Variants in NRG1 observed in about 807,000 individuals in gnomAD.
NRG1 encodes pro-neuregulin-1, membrane-bound isoform.
In NRG1, 18 loss-of-function variants were observed where a neutral mutation model predicts 63.8. The observed-to-expected ratio is 0.28, with a 90% CI of 0.19 to 0.42. The LOEUF (loss-of-function observed/expected upper bound fraction) is 0.42, where lower values mean the gene tolerates loss of function less well. Among genes scored for constraint, NRG1 ranks in the 10% least tolerant of loss-of-function variants. NRG1 has a pLI of 1.00. For synonymous variants in NRG1, 302 were observed against 301.3 expected (o/e 1.00, Z -0.02); for missense variants, 762 against 814.7 (o/e 0.94, Z 0.79).
chr8:32,268,028 A>T (rs763459445), intron 1 of NRG1, among the ~76,000 whole-genome samples: 9 of 152,132 alleles, frequency 5.9e-5, no homozygotes, highest in Non-Finnish European at 1.3e-4. Flanking sequence ...TGGTTATCTT[A>T]TGTAAGATTG....
chr8:32,174,523 C>CA (rs1412465967), intron 1 of NRG1, among the ~76,000 whole-genome samples: 1 of 151,916 alleles, frequency 6.6e-6, no homozygotes, highest in East Asian at 1.9e-4. Context: ...AAAAACCCTT[C>CA]AAAAAATCAA....
chr8:32,225,661 C>G (rs1846246565), intron 1 of NRG1, among the ~76,000 whole-genome samples: 2 of 152,038 alleles, frequency 1.3e-5, no homozygotes, highest in Admixed American at 1.3e-4. Context: ...TACTATTGAA[C>G]AGGTGAAGAT....
At chr8:32,602,161 C>G (rs1588618680) in intron 2 of NRG1, among the ~76,000 whole-genome samples, 1 of 152,194 alleles carries the variant, frequency 6.6e-6, no homozygotes, top group East Asian at 1.9e-4. Context: ...ATTCACAGTA[C>G]AGATTTGCAA....
chr8:32,026,400 AGGGCT>A (rs1335434695), intron 1 of NRG1: 4 of 152,074 alleles, frequency 2.6e-5, no homozygotes, highest in Admixed American at 6.5e-5. Flanking sequence ...TCCCCCAAGA[AGGGCT>A]TACATGGGTC....
chr8:32,406,153 C>A (rs768183560), intron 1 of NRG1, among the ~76,000 whole-genome samples: 1 of 152,060 alleles, frequency 6.6e-6, no homozygotes, highest in Non-Finnish European at 1.5e-5. Flanking sequence ...TGTCAAGCCC[C>A]CTAACTTCCC....
rs186347537 is a variant in NRG1, at chr8:31,670,692, T to G, written c.37+31261T>G. 3.1e-3 allele frequency among the ~76,000 whole-genome samples: 478 copies of G among 152,282 alleles called. 2 individuals carry two copies. Among genetic ancestry groups the G allele is most frequent in the South Asian group, 0.021 (101 of 4,828 alleles). On this transcript the variant is annotated intron_variant, in intron 1 of 10. Coordinates refer to the NRG1 transcript ENST00000519301. ...CATTTTGGCACTAGGTGTTAAGTTTTTATCTCTCTGATCCTGATAGGTGGT... is the reference window on the plus strand; with the variant it reads ...CATTTTGGCACTAGGTGTTAAGTTTGTATCTCTCTGATCCTGATAGGTGGT...
rs553729039 is a variant in NRG1 at position 32,334,565 on chromosome 8, C to T, written c.38-261263C>T. On this transcript the variant is annotated intron_variant, in intron 1 of 10. Transcript: ENST00000519301. ...CTCTGGCTAAGAAAAATAAAAGCCA[C>T]GACATTCCAGAGCCTTTAGGCATGT... Among the ~76,000 whole-genome samples the T allele has an allele frequency of 8.5e-5, 13 of 152,276 alleles. No homozygotes were observed. In the South Asian group the frequency reaches 1.9e-3, roughly 22 times the overall value.
intron 5 of NRG1, among the ~76,000 whole-genome samples, chr8:32,644,694 C>T (rs904963241): frequency 2.0e-5 from 3 of 152,184 alleles, no homozygotes; most frequent in East Asian, 3.9e-4. Flanking sequence ...TGTGGCAGTC[C>T]ATAGGATTCT....
intron 5 of NRG1, among the ~76,000 whole-genome samples, chr8:32,683,441 A>G (rs1005381234): frequency 3.3e-5 from 5 of 152,166 alleles, no homozygotes; most frequent in Admixed American, 3.3e-4. Flanking sequence ...CCCTCTAACA[A>G]AAGAGATGGA....
intron 1 of NRG1, among the ~76,000 whole-genome samples, chr8:32,511,037 C>T (rs888271441): frequency 3.2e-4 from 47 of 148,578 alleles, no homozygotes; most frequent in African/African-American, 1.1e-3. Flanking sequence ...GGAGAGGATC[C>T]CAAAGAGACA....
intron 1 of NRG1, among the ~76,000 whole-genome samples, chr8:31,805,085 T>G (rs1332343898): frequency 6.6e-6 from 1 of 152,216 alleles, no homozygotes; most frequent in Non-Finnish European, 1.5e-5. Context: ...CTTTCAATTC[T>G]GAGTTTTTTA....
intron 1 of NRG1, among the ~76,000 whole-genome samples, chr8:32,087,945 A>G (rs929432955): frequency 1.3e-5 from 2 of 152,136 alleles, no homozygotes; most frequent in Admixed American, 6.5e-5. Context: ...GTCAAATGGA[A>G]TGCTTCTGGT....
At chr8:31,712,596 T>C (rs1811892541) in intron 1 of NRG1, among the ~76,000 whole-genome samples, 1 of 152,162 alleles carries the variant, frequency 6.6e-6, no homozygotes, top group Non-Finnish European at 1.5e-5. Context: ...GGCAGTTGCT[T>C]CATTTATTTT....
chr8:32,186,508 G>C (rs1395681058), intron 1 of NRG1, among the ~76,000 whole-genome samples: 1 of 149,360 alleles, frequency 6.7e-6, no homozygotes, highest in East Asian at 1.9e-4. Flanking sequence ...AAAAAAGAAA[G>C]AAAGAAATGA....
At chr8:32,002,029 AT>A (rs962646810) in intron 1 of NRG1, among the ~76,000 whole-genome samples, 3 of 151,230 alleles carry the variant, frequency 2.0e-5, no homozygotes, top group East Asian at 2.0e-4. Context: ...AATTAATTGA[AT>A]TTTTTTTTCT....
intron 1 of NRG1, among the ~76,000 whole-genome samples, chr8:32,481,330 A>G (rs1200188767): frequency 7.0e-6 from 1 of 142,358 alleles, no homozygotes; most frequent in Non-Finnish European, 1.5e-5. Context: ...CCCATTGAGA[A>G]CCTGTCTTAA....
At chr8:31,767,861 A>AC (rs1225477362) in intron 1 of NRG1, among the ~76,000 whole-genome samples, 1 of 151,922 alleles carries the variant, frequency 6.6e-6, no homozygotes, top group East Asian at 1.9e-4. Flanking sequence ...AAAAAAAAAA[A>AC]AAAAACTTAA....
intron 1 of NRG1, among the ~76,000 whole-genome samples, chr8:32,370,645 G>A (rs780496386): frequency 1.3e-4 from 20 of 152,022 alleles, no homozygotes; most frequent in Non-Finnish European, 2.2e-4. Context: ...ATCACTTGAG[G>A]TCAGGAGTTT....
At chr8:32,747,461 GA>G (rs953999928) in intron 7 of NRG1, among the ~76,000 whole-genome samples, 6 of 151,658 alleles carry the variant, frequency 4.0e-5, no homozygotes, top group Admixed American at 6.6e-5. Context: ...AAGCAAATGG[GA>G]AAAAAAATGA....
Sources: gnomAD v4.1 joint callset for allele counts (sites outside exome capture counted in the v4.1 genomes callset) on GRCh38, gnomAD v4.1.1 for gene constraint, MANE v1.5 for transcripts, NCBI Gene and HGNC (gene_info 2026-07-23, HGNC 2026-07-21) for gene names.